The following SVIL variants were observed in gnomAD, a reference collection of about 807,000 sequenced individuals.
The protein encoded by SVIL is supervillin.
Under a neutral mutation model 240.4 loss-of-function variants are expected in SVIL, and 101 were observed. That is an observed-to-expected ratio of 0.42 (90% CI 0.36 to 0.50). The LOEUF (loss-of-function observed/expected upper bound fraction) is 0.50. SVIL is among the 20% of genes least tolerant of loss of function. The pLI is 0.01. For missense variants in SVIL, 2,512 were observed against 2,818.7 expected, an observed-to-expected ratio of 0.89 and a Z score of 2.46; for synonymous variants, 999 against 1,100.0, an observed-to-expected ratio of 0.91 and a Z score of 1.82.
chr10:29,522,668 C>T, intron 15 of SVIL, 33 bp from the exon 16 acceptor site: 1 of 1,601,412 alleles, frequency 6.2e-7, no homozygotes, highest in South Asian at 1.1e-5. Context: ...CAGCACTGAA[C>T]TCCTCAGGCA....
At chr10:29,629,120 G>A (rs904256762) in intron 1 of SVIL, among the ~76,000 whole-genome samples, 4 of 152,220 alleles carry the variant, frequency 2.6e-5, no homozygotes, top group African/African-American at 7.2e-5. Flanking sequence ...TGAGGTCAAG[G>A]GGAGCTTTAT....
intron 15 of SVIL, among the ~76,000 whole-genome samples, chr10:29,523,030 C>T (rs954769866): frequency 3.9e-5 from 6 of 152,174 alleles, no homozygotes; most frequent in East Asian, 3.9e-4. Flanking sequence ...GAAGGGCCCA[C>T]GCAGTGTAGC....
intron 2 of SVIL, among the ~76,000 whole-genome samples, chr10:29,678,688 A>G (rs565070921): frequency 1.3e-5 from 2 of 152,360 alleles, no homozygotes; most frequent in Admixed American, 1.3e-4. Flanking sequence ...GCAGGTAACT[A>G]GCCTGAGTAA....
At chr10:29,633,077 CA>C (rs530401262) in intron 1 of SVIL, among the ~76,000 whole-genome samples, 1 of 150,926 alleles carries the variant, frequency 6.6e-6, no homozygotes, top group Non-Finnish European at 1.5e-5. Context: ...ACTAAAAATA[CA>C]AAAAAAAATT....
chr10:29,622,275 A>AAAG (rs1957688175), intron 1 of SVIL, among the ~76,000 whole-genome samples: 1 of 147,698 alleles, frequency 6.8e-6, no homozygotes, highest in Non-Finnish European at 1.5e-5. Context: ...AAAAAAAAAA[A>AAAG]GAACCTTGGA....
intron 3 of SVIL, among the ~76,000 whole-genome samples, chr10:29,646,860 G>A (rs369930565): frequency 8.5e-5 from 13 of 152,146 alleles, no homozygotes; most frequent in Non-Finnish European, 1.2e-4. Flanking sequence ...TAGCAATGCC[G>A]TATTCTCAGG....
At chr10:29,473,210 T>C (rs1945789846) in intron 30 of SVIL, among the ~76,000 whole-genome samples, 1 of 151,950 alleles carries the variant, frequency 6.6e-6, no homozygotes, top group Non-Finnish European at 1.5e-5. Flanking sequence ...TAGACTGCAG[T>C]GTGTGTGGCA....
chr10:29,543,474 C>T (rs375224726), intron 6 of SVIL, among the ~76,000 whole-genome samples: 80 of 152,274 alleles, frequency 5.3e-4, no homozygotes, highest in African/African-American at 1.9e-3. Flanking sequence ...CAACTAAAAC[C>T]CTTAGGTCTG....
intron 1 of SVIL, among the ~76,000 whole-genome samples, chr10:29,609,081 C>T (rs1009737399): frequency 2.0e-5 from 3 of 152,188 alleles, no homozygotes; most frequent in African/African-American, 7.2e-5. Context: ...AAGGAGCTAC[C>T]CACTTTGGGT....
intron 1 of SVIL, chr10:29,712,120 A>G (rs979353183): frequency 2.6e-5 from 4 of 152,214 alleles, no homozygotes; most frequent in African/African-American, 9.7e-5. Context: ...TAGAGAGGGA[A>G]GTATAATCAC....
chr10:29,691,003 G>T (rs1028741285), intron 1 of SVIL, among the ~76,000 whole-genome samples: 6 of 152,044 alleles, frequency 3.9e-5, no homozygotes, highest in African/African-American at 1.4e-4. Flanking sequence ...ATCATAAAAC[G>T]CAAAGCTTCA....
At chr10:29,494,224 A>G (rs1948225869) in intron 20 of SVIL, among the ~76,000 whole-genome samples, 1 of 152,238 alleles carries the variant, frequency 6.6e-6, no homozygotes, top group Non-Finnish European at 1.5e-5. Context: ...GGCAATGGCC[A>G]TCGTTTGCTG....
chr10:29,661,927 G>C (rs984842633), intron 2 of SVIL, among the ~76,000 whole-genome samples: 33 of 152,092 alleles, frequency 2.2e-4, no homozygotes, highest in African/African-American at 7.5e-4. Flanking sequence ...GCCTCCCAAA[G>C]GGCTGAGGTT....
chr10:29,612,268 T>A (rs1425608181), intron 1 of SVIL, among the ~76,000 whole-genome samples: 1 of 152,174 alleles, frequency 6.6e-6, no homozygotes, highest in African/African-American at 2.4e-5. Flanking sequence ...AACAGAGAAG[T>A]AATCAGACCC....
In SVIL at chr10:29,486,138, C is replaced by T. The variant is rs1184454693; in HGVS notation, c.4726G>A (p.Asp1576Asn). Residue 1576 changes from aspartate to asparagine, a missense_variant, in exon 26 of 38, where the codon GAT (aspartate) becomes AAT (asparagine). Around this residue, in one of 3 missense-constraint regions of SVIL, gnomAD observed 797 missense variants for 925.3 expected, o/e 0.86. Coordinates refer to ENST00000355867, the MANE Select transcript of SVIL (RefSeq NM_021738.3). ...YRLMDDKLVP[D>N]DDYWGKIPKC... ...GGAATTTTCCCCCAGTAGTCGTCAT[C>T]AGGAACAAGTTTGTCATCCATGAGA... 2 of 1,614,084 alleles carry T rather than the reference C, an allele frequency of 1.2e-6. No individual in the cohort carries two copies. Among genetic ancestry groups the T allele is most frequent in the Non-Finnish European group, 1.7e-6 (2 of 1,180,050 alleles).
chr10:29,584,355 G>C (rs1038759746), intron 1 of SVIL, among the ~76,000 whole-genome samples: 5 of 152,196 alleles, frequency 3.3e-5, no homozygotes, highest in African/African-American at 4.8e-5. Flanking sequence ...AGGAATCCAG[G>C]AGAGGCCAAC....
intron 3 of SVIL, among the ~76,000 whole-genome samples, chr10:29,555,579 T>A (rs894656223): frequency 6.6e-6 from 1 of 152,194 alleles, no homozygotes; most frequent in African/African-American, 2.4e-5. Flanking sequence ...ATGTCACATA[T>A]ATAGGTTGGC....
intron 1 of SVIL, among the ~76,000 whole-genome samples, chr10:29,707,711 T>C (rs1211266629): frequency 6.6e-6 from 1 of 151,922 alleles, no homozygotes; most frequent in African/African-American, 2.4e-5. Context: ...TAAAATAATG[T>C]GGTATGTTTA....
intron 1 of SVIL, among the ~76,000 whole-genome samples, chr10:29,706,289 A>G (rs538610767): frequency 7.2e-5 from 11 of 152,316 alleles, no homozygotes; most frequent in African/African-American, 2.2e-4. Context: ...GTGTAAAAGC[A>G]TTCCTATTTC....
Sources: allele counts gnomAD v4.1 joint callset (sites outside exome capture counted in the v4.1 genomes callset), GRCh38; gene constraint gnomAD v4.1.1; regional missense constraint gnomAD v4.1.1; transcripts MANE v1.5; gene names NCBI Gene and HGNC (gene_info 2026-07-23, HGNC 2026-07-21).